CCNJL: variants seen among roughly 807,000 people sequenced by gnomAD.
CCNJL encodes the protein cyclin-J-like protein.
CCNJL carries 33 observed loss-of-function variants against 33.4 expected under a neutral mutation model. That is an observed-to-expected ratio of 0.99 (90% CI 0.75 to 1.32). The LOEUF (loss-of-function observed/expected upper bound fraction) is 1.32. CCNJL is among the 40% of genes most tolerant of loss of function. The pLI, the probability that CCNJL is intolerant of heterozygous loss-of-function variation, is 0.00. For synonymous variants in CCNJL, 227 were observed against 220.9 expected (o/e 1.03, Z -0.24); for missense variants, 512 against 499.7 (o/e 1.02, Z -0.23).
At chr5:160,309,009 C>T (rs939678900) in intron 2 of CCNJL, among the ~76,000 whole-genome samples, 2 of 152,174 alleles carry the variant, frequency 1.3e-5, no homozygotes, top group African/African-American at 4.8e-5. Context: ...GGCTTAAGAG[C>T]AATGGCATGG....
chr5:160,333,616 A>G (rs967635335), intron 1 of CCNJL, among the ~76,000 whole-genome samples: 2 of 150,528 alleles, frequency 1.3e-5, no homozygotes, highest in Non-Finnish European at 3.0e-5. Flanking sequence ...ATCCCTTTCT[A>G]TTTTCCCTCT....
At chr5:160,328,673 C>A (rs1455185478) in intron 1 of CCNJL, among the ~76,000 whole-genome samples, 1 of 149,804 alleles carries the variant, frequency 6.7e-6, no homozygotes, top group Non-Finnish European at 1.5e-5. Flanking sequence ...AGTTCAAGAC[C>A]AGCCTGACCA....
chr5:160,330,784 C>A (rs1465285271), intron 1 of CCNJL, among the ~76,000 whole-genome samples: 1 of 152,136 alleles, frequency 6.6e-6, no homozygotes, highest in Non-Finnish European at 1.5e-5. Flanking sequence ...CTGCCTCAGC[C>A]TCCCAAGTAG....
chr5:160,322,469 G>A (rs1052386804), intron 1 of CCNJL, among the ~76,000 whole-genome samples: 2 of 152,294 alleles, frequency 1.3e-5, no homozygotes, highest in South Asian at 4.1e-4. Flanking sequence ...ATGATATGAT[G>A]CCTGGTATAT....
chr5:160,267,030 G>A (rs1761624485), intron 3 of CCNJL, among the ~76,000 whole-genome samples: 1 of 152,230 alleles, frequency 6.6e-6, no homozygotes, highest in Non-Finnish European at 1.5e-5. Flanking sequence ...AGGTAACCCA[G>A]TTGGGTTGCA....
At chr5:160,313,825 T>C (rs997177085), upstream of CCNJL, among the ~76,000 whole-genome samples, 6 of 152,186 alleles carry the variant, frequency 3.9e-5, no homozygotes, top group Non-Finnish European at 8.8e-5. Flanking sequence ...TTTCTAACCT[T>C]CAAATGGGAG....
chr5:160,323,402 AT>A (rs939193888), intron 1 of CCNJL, among the ~76,000 whole-genome samples: 1 of 152,056 alleles, frequency 6.6e-6, no homozygotes, highest in African/African-American at 2.4e-5. Flanking sequence ...GCTCAAAAAT[AT>A]TTTTACTAGC....
rs143417972 is a variant in CCNJL, at chr5:160,282,751, A to G, written c.67-2013T>C. On this transcript the variant is annotated intron_variant, in intron 2 of 5. Coordinates refer to ENST00000257536, the MANE Select transcript of CCNJL (RefSeq NM_001308173.3). ...GGGAAATGCAAATTAAAACCCTGAT[A>G]AGATACCACCTCACACTCATTAGAA... 2.6e-3 allele frequency among the ~76,000 whole-genome samples: 399 copies of G among 151,814 alleles called. 3 individuals carry two copies. The highest frequency in any genetic ancestry group is 9.2e-3 in the African/African-American group (381 of 41,462).
chr5:160,312,014 G>A, intron 1 of CCNJL, 42 bp from the exon 2 acceptor site: 2 of 1,295,038 alleles, frequency 1.5e-6, no homozygotes, highest in Admixed American at 1.7e-5. Flanking sequence ...AGCGTACCCC[G>A]GGCTCCGACC....
chr5:160,333,074 C>T (rs571016067), intron 1 of CCNJL, among the ~76,000 whole-genome samples: 3 of 152,082 alleles, frequency 2.0e-5, no homozygotes, highest in South Asian at 4.1e-4. Context: ...TGCTTGAGCT[C>T]AGGAGTTTGA....
chr5:160,319,173 T>C (rs1468368486), intron 1 of CCNJL, among the ~76,000 whole-genome samples: 1 of 152,144 alleles, frequency 6.6e-6, no homozygotes, highest in Non-Finnish European at 1.5e-5. Flanking sequence ...AGTGCAGTGG[T>C]ATGATCATAG....
chr5:160,318,504 T>C (rs1200279935), intron 1 of CCNJL, among the ~76,000 whole-genome samples: 1 of 152,222 alleles, frequency 6.6e-6, no homozygotes, highest in African/African-American at 2.4e-5. Context: ...CAGAAGGCAA[T>C]AGTATTCTAG....
At chr5:160,318,179 G>T (rs531975435) in intron 1 of CCNJL, among the ~76,000 whole-genome samples, 3 of 152,116 alleles carry the variant, frequency 2.0e-5, no homozygotes, top group African/African-American at 7.2e-5. Context: ...ACCATGCCTG[G>T]CTAATTTTTG....
At chr5:160,291,760 A>G (rs1762591736) in intron 2 of CCNJL, among the ~76,000 whole-genome samples, 3 of 152,344 alleles carry the variant, frequency 2.0e-5, no homozygotes, top group Middle Eastern at 6.8e-3. Flanking sequence ...GAACGTCCAC[A>G]TGGCCATGGC....
chr5:160,258,576 G>C, intron 4 of CCNJL: 2 of 1,483,774 alleles, frequency 1.3e-6, no homozygotes, highest in South Asian at 1.1e-5. Flanking sequence ...GAGCAGAATG[G>C]GCAAAGAGGT....
chr5:160,258,205 T>C (rs1761154135), intron 4 of CCNJL: 2 of 569,222 alleles, frequency 3.5e-6, no homozygotes, highest in African/African-American at 3.8e-5. Context: ...GGGATGGTTG[T>C]ATCAACAGTA....
intron 3 of CCNJL, among the ~76,000 whole-genome samples, chr5:160,269,904 T>G (rs1761763009): frequency 6.6e-6 from 1 of 152,206 alleles, no homozygotes; most frequent in African/African-American, 2.4e-5. Flanking sequence ...TGTCCTAACT[T>G]ACTGGGCCTC....
chr5:160,324,460 C>G (rs1763510580), intron 1 of CCNJL, among the ~76,000 whole-genome samples: 1 of 152,146 alleles, frequency 6.6e-6, no homozygotes, highest in South Asian at 2.1e-4. Context: ...GTAATCCCAG[C>G]TACTCATGAG....
chr5:160,280,546 C>T lies in CCNJL; in HGVS notation c.259G>A (p.Val87Ile), dbSNP rs368002668. Residue 87 changes from valine (V) to isoleucine (I), a missense_variant, in exon 3 of 6, where the codon GTC (valine) becomes ATC (isoleucine). Physicochemically the swap from Val to Ile is conservative, Grantham distance 29. Coordinates refer to ENST00000257536, the MANE Select transcript of CCNJL (RefSeq NM_001308173.3). ...TTACTTGCAAGCAGGAGGCAGGAGA[C>T]GGCCACGGTGTAGAGCTGCTTGGAG... ...TTSKQLYTVA[V>I]SCLLLASKFE... is the part of the protein sequence containing the mutation. The T allele has an allele frequency of 3.7e-5, 60 of 1,612,718 alleles. No individual in the cohort carries two copies. Among genetic ancestry groups the T allele is most frequent in the East Asian group, 8.9e-5 (4 of 44,894 alleles).
Sources: allele counts gnomAD v4.1 joint callset (sites outside exome capture counted in the v4.1 genomes callset), GRCh38; gene constraint gnomAD v4.1.1; transcripts MANE v1.5; gene names NCBI Gene and HGNC (gene_info 2026-07-23, HGNC 2026-07-21).